Variants in ATG5 observed in about 807,000 individuals in gnomAD.
ATG5 encodes autophagy protein 5.
A neutral mutation model predicts 36.5 loss-of-function variants in ATG5; 14 were observed. The ratio of observed to expected loss-of-function variants is 0.38; its 90% confidence interval spans 0.25 to 0.60. The LOEUF is 0.60. Among genes scored for constraint, ATG5 ranks in the 20% least tolerant of loss-of-function variants. The pLI is 0.60. For missense variants in ATG5, 195 were observed against 326.7 expected (o/e 0.60, Z 3.11); for synonymous variants, 95 against 101.5 (o/e 0.94, Z 0.38).
At chr6:106,224,220 G>C (rs1038600286) in intron 6 of ATG5, among the ~76,000 whole-genome samples, 6 of 152,190 alleles carry the variant, frequency 3.9e-5, no homozygotes, top group African/African-American at 1.4e-4. Flanking sequence ...TTGCAGTCTA[G>C]CTATATTTTA....
intron 5 of ATG5, among the ~76,000 whole-genome samples, chr6:106,274,342 T>TA (rs141730597): frequency 3.7e-4 from 57 of 152,014 alleles, no homozygotes; most frequent in African/African-American, 8.9e-4. Context: ...TGAAAACTCA[T>TA]AAAAAAAACA....
At chr6:106,205,160 CCAA>C (rs1394643209) in intron 6 of ATG5, among the ~76,000 whole-genome samples, 2 of 152,096 alleles carry the variant, frequency 1.3e-5, no homozygotes, top group Non-Finnish European at 2.9e-5. Context: ...TGGTTATGAA[CCAA>C]AACCAGAATG....
chr6:106,238,233 T>G (rs1176075804), intron 6 of ATG5, among the ~76,000 whole-genome samples: 1 of 152,160 alleles, frequency 6.6e-6, no homozygotes, highest in Non-Finnish European at 1.5e-5. Context: ...TACAGTGGCA[T>G]GATCTTGGCT....
At chr6:106,219,487 A>G (rs1390215223) in intron 6 of ATG5, among the ~76,000 whole-genome samples, 4 of 152,180 alleles carry the variant, frequency 2.6e-5, no homozygotes, top group African/African-American at 9.6e-5. Context: ...AAACATGTAC[A>G]GGCTTTTTTT....
rs114160511 is a variant in ATG5, at chr6:106,188,421, C to T, written c.692-1745G>A. On this transcript the variant is annotated intron_variant, in intron 7 of 7. Coordinates refer to ENST00000369076, the MANE Select transcript of ATG5 (RefSeq NM_004849.4). The stretch of plus-strand genomic sequence containing the variant: ...GTGTAAGAGTAAAAGTTCCTTATCT[C>T]TAAAGTTTTTCCTTAAGCCAGTCAC... Among the ~76,000 whole-genome samples, 1,021 of 152,258 alleles carry T rather than the reference C, an allele frequency of 6.7e-3. 19 individuals are homozygous for T. Among genetic ancestry groups the T allele is most frequent in the African/African-American group, 0.023 (946 of 41,562 alleles).
At chr6:106,205,249 G>A (rs1776586417) in intron 6 of ATG5, among the ~76,000 whole-genome samples, 1 of 152,180 alleles carries the variant, frequency 6.6e-6, no homozygotes, top group Non-Finnish European at 1.5e-5. Flanking sequence ...AAGGAAGACA[G>A]CAGGACTGTA....
intron 6 of ATG5, among the ~76,000 whole-genome samples, chr6:106,238,989 C>T (rs924318296): frequency 6.6e-6 from 1 of 151,984 alleles, no homozygotes; most frequent in Non-Finnish European, 1.5e-5. Flanking sequence ...TAATTAGAAA[C>T]GCTAGAAGGA....
chr6:106,201,273 A>ATGTGTGTG (rs1436145806), intron 7 of ATG5, among the ~76,000 whole-genome samples: 1 of 91,752 alleles, frequency 1.1e-5, no homozygotes, highest in African/African-American at 5.9e-5. Context: ...ATTCAAGTGT[A>ATGTGTGTG]TATGTGTGTG....
At chr6:106,237,784 A>G (rs186955071) in intron 6 of ATG5, among the ~76,000 whole-genome samples, 85 of 152,290 alleles carry the variant, frequency 5.6e-4, no homozygotes, top group Admixed American at 2.2e-3. Context: ...CACTGCTTAT[A>G]TAGTTGGTTA....
intron 6 of ATG5, among the ~76,000 whole-genome samples, chr6:106,239,030 T>C (rs2114487232): frequency 6.6e-6 from 1 of 152,320 alleles, no homozygotes; most frequent in Middle Eastern, 3.4e-3. Context: ...GACTAGGCTA[T>C]AATTCTAACT....
chr6:106,199,359 T>C (rs1382634499), intron 7 of ATG5, among the ~76,000 whole-genome samples: 1 of 152,236 alleles, frequency 6.6e-6, no homozygotes, highest in Non-Finnish European at 1.5e-5. Flanking sequence ...AAATGTGATG[T>C]ATCTACCCAA....
rs907186107 is a variant in ATG5 at position 106,186,164 on chromosome 6, T to C, written c.*376A>G. 8.8e-5 allele frequency: 15 copies of C among 170,402 alleles called. No homozygotes were observed. Among genetic ancestry groups the C allele is most frequent in the Non-Finnish European group, 1.7e-4 (14 of 80,040 alleles). 10.6% of individuals were successfully genotyped at this position (170,402 alleles called of 1,614,324 possible). A position where few individuals can be genotyped will look rare whatever the true frequency, so the allele number is the denominator to read the frequency against. On this transcript the variant is annotated 3_prime_UTR_variant, in exon 8 of 8. Coordinates refer to ENST00000369076, the MANE Select transcript of ATG5 (RefSeq NM_004849.4). Reference sequence around the variant, plus strand: ...ATGTTTCCACTTTCATGAGCTAAAGTTCAACCATGGTCACCTTAGGAAATA... The same window carrying C: ...ATGTTTCCACTTTCATGAGCTAAAGCTCAACCATGGTCACCTTAGGAAATA...
At chr6:106,290,915 T>A (rs1013080702) in intron 4 of ATG5, among the ~76,000 whole-genome samples, 2 of 152,238 alleles carry the variant, frequency 1.3e-5, no homozygotes, top group Admixed American at 1.3e-4. Context: ...TTTCCAAAAT[T>A]CAAATTTTCA....
intron 5 of ATG5, among the ~76,000 whole-genome samples, chr6:106,252,228 C>T (rs921264884): frequency 1.3e-5 from 2 of 152,034 alleles, no homozygotes; most frequent in South Asian, 2.1e-4. Context: ...ATATACTTCT[C>T]GCCAGAGCTA....
At chr6:106,317,925 G>A (rs1770915916) in intron 1 of ATG5, among the ~76,000 whole-genome samples, 1 of 152,156 alleles carries the variant, frequency 6.6e-6, no homozygotes, top group African/African-American at 2.4e-5. Flanking sequence ...TATAAAGGTG[G>A]TATGCAGTTG....
intron 7 of ATG5, among the ~76,000 whole-genome samples, chr6:106,193,663 A>G (rs1369843145): frequency 6.6e-6 from 1 of 152,222 alleles, no homozygotes; most frequent in Non-Finnish European, 1.5e-5. Flanking sequence ...ATAAACTTTG[A>G]AAACAATATT....
At chr6:106,253,922 G>A (rs1778697771) in intron 5 of ATG5, among the ~76,000 whole-genome samples, 1 of 152,102 alleles carries the variant, frequency 6.6e-6, no homozygotes, top group African/African-American at 2.4e-5. Flanking sequence ...AATAATGTGA[G>A]TAACAAAATA....
At chr6:106,268,162 A>G (rs1779299087) in intron 5 of ATG5, among the ~76,000 whole-genome samples, 1 of 152,060 alleles carries the variant, frequency 6.6e-6, no homozygotes, top group African/African-American at 2.4e-5. Context: ...TCTAGAATCT[A>G]CAAGGAACTT....
At chr6:106,255,199 AGT>A in intron 5 of ATG5, among the ~76,000 whole-genome samples, 1 of 152,310 alleles carries the variant, frequency 6.6e-6, no homozygotes, top group South Asian at 2.1e-4. Flanking sequence ...AGCAAGTCTG[AGT>A]TCCAACTCTA....
Sources: gnomAD v4.1 joint callset for allele counts (sites outside exome capture counted in the v4.1 genomes callset) on GRCh38, gnomAD v4.1.1 for gene constraint, MANE v1.5 for transcripts, NCBI Gene and HGNC (gene_info 2026-07-23, HGNC 2026-07-21) for gene names.